UNC13C: variants seen among roughly 807,000 people sequenced by gnomAD.
UNC13C encodes the protein protein unc-13 homolog C.
UNC13C carries 174 observed loss-of-function variants against 245.4 expected under a neutral mutation model. The ratio of observed to expected loss-of-function variants is 0.71; its 90% CI spans 0.63 to 0.80. The LOEUF (loss-of-function observed/expected upper bound fraction) is 0.80, where lower values mean the gene tolerates loss of function less well. Ranked by LOEUF, UNC13C falls within the 30% of genes least tolerant of loss-of-function variation. The pLI is 0.00. For missense variants in UNC13C, 2,829 were observed against 2,602.9 expected (o/e 1.09, Z -1.89); for synonymous variants, 992 against 895.1 (o/e 1.11, Z -1.93).
chr15:53,861,632 CAT>C, the UNC13C span, among the ~76,000 whole-genome samples: 9 of 151,964 alleles, frequency 5.9e-5, no homozygotes, highest in South Asian at 2.1e-4. Context: ...GGTGCAAACA[CAT>C]GTGTGTTAAG....
At chr15:54,058,782 C>G (rs1288502800) in intron 2 of UNC13C, among the ~76,000 whole-genome samples, 3 of 152,146 alleles carry the variant, frequency 2.0e-5, no homozygotes, top group Non-Finnish European at 2.9e-5. Flanking sequence ...TGGGCTTCAT[C>G]CCTGGGATGC....
intron 2 of UNC13C, among the ~76,000 whole-genome samples, chr15:54,063,082 A>T (rs879832981): frequency 2.0e-5 from 3 of 152,224 alleles, no homozygotes; most frequent in Non-Finnish European, 4.4e-5. Flanking sequence ...TTTTCCTTCC[A>T]GGATGAGAGA....
intron 10 of UNC13C, among the ~76,000 whole-genome samples, chr15:54,283,248 T>C (rs1374262787): frequency 6.6e-6 from 1 of 152,192 alleles, no homozygotes. Flanking sequence ...ATCAATTATA[T>C]ACATACCTTC....
At chr15:54,409,195 AT>A (rs1186877709) in intron 18 of UNC13C, among the ~76,000 whole-genome samples, 2 of 151,524 alleles carry the variant, frequency 1.3e-5, no homozygotes, top group African/African-American at 4.8e-5. Flanking sequence ...TTAGGCTTTG[AT>A]TTTTTTTAAA....
At chr15:54,599,941 G>A (rs1011994587) in intron 30 of UNC13C, among the ~76,000 whole-genome samples, 7 of 152,244 alleles carry the variant, frequency 4.6e-5, no homozygotes, top group African/African-American at 1.7e-4. Flanking sequence ...ACTTAAGTTA[G>A]AGGCATTGGA....
At chr15:54,431,286 T>C (rs2040866882) in intron 19 of UNC13C, among the ~76,000 whole-genome samples, 1 of 151,722 alleles carries the variant, frequency 6.6e-6, no homozygotes, top group Non-Finnish European at 1.5e-5. Context: ...GGGGATCATC[T>C]CTGCCAACTT....
chr15:54,415,018 C>A lies in UNC13C; in HGVS notation c.4884C>A (p.Ala1628=), dbSNP rs377386387. The A allele has an allele frequency of 1.2e-6, 2 of 1,611,772 alleles. No individual in the cohort carries two copies. The highest frequency in any genetic ancestry group is 2.2e-5 in the East Asian group (1 of 44,714). Reference sequence around the variant, plus strand: ...AGCTGAACATGGGAAAAATAAGTGCCGAAATTATGTGGACTCTTTTTGCTC... The same window carrying A: ...AGCTGAACATGGGAAAAATAAGTGCAGAAATTATGTGGACTCTTTTTGCTC... ...PQELNMGKIS[A]EIMWTLFALD... is the part of the protein sequence containing the mutation. Residue 1628 remains alanine (A), a synonymous_variant, in exon 19 of 33, where the codon GCC becomes GCA. Transcript: ENST00000260323.
At chr15:54,589,133 G>A (rs1394194659) in intron 30 of UNC13C, among the ~76,000 whole-genome samples, 1 of 151,878 alleles carries the variant, frequency 6.6e-6, no homozygotes, top group Non-Finnish European at 1.5e-5. Context: ...TCACCGCAAT[G>A]ACACCAACAT....
chr15:53,914,539 GT>G, the UNC13C span: 1 of 152,322 alleles, frequency 6.6e-6, no homozygotes, highest in African/African-American at 2.4e-5. Context: ...CAGAGAAAGA[GT>G]TAAGCTGTTG....
intron 17 of UNC13C, among the ~76,000 whole-genome samples, chr15:54,364,053 G>C (rs549046278): frequency 1.1e-4 from 17 of 152,282 alleles, no homozygotes; most frequent in African/African-American, 4.1e-4. Context: ...TAGTGATTTA[G>C]TGCTGATTGG....
At chr15:54,612,707 T>C (rs1006778240) in intron 30 of UNC13C, among the ~76,000 whole-genome samples, 1 of 152,020 alleles carries the variant, frequency 6.6e-6, no homozygotes, top group Admixed American at 6.6e-5. Flanking sequence ...ACATGTGTTA[T>C]TGTTGCAAAC....
intron 2 of UNC13C, among the ~76,000 whole-genome samples, chr15:54,103,941 C>T (rs752311577): frequency 4.0e-4 from 59 of 147,848 alleles, no homozygotes; most frequent in Non-Finnish European, 6.6e-4. Flanking sequence ...GACAGGGTTT[C>T]ACCGTGTTGG....
chr15:54,280,893 G>A (rs111884133), intron 10 of UNC13C, among the ~76,000 whole-genome samples: 8,450 of 151,632 alleles, frequency 0.056, 518 homozygotes, highest in East Asian at 0.22. Flanking sequence ...TGCCTCCCAG[G>A]CTCAAGCGAT....
At chr15:54,204,571 T>C (rs1221708214) in intron 4 of UNC13C, among the ~76,000 whole-genome samples, 2 of 152,060 alleles carry the variant, frequency 1.3e-5, no homozygotes, top group African/African-American at 2.4e-5. Context: ...TTAATGTGAT[T>C]ACAATTAAAA....
At chr15:54,153,114 CA>C (rs1478318918) in intron 4 of UNC13C, among the ~76,000 whole-genome samples, 2 of 152,010 alleles carry the variant, frequency 1.3e-5, no homozygotes, top group Non-Finnish European at 2.9e-5. Flanking sequence ...TTGCTTAATC[CA>C]TATACTTTCT....
chr15:54,196,514 G>C (rs2034359081), intron 4 of UNC13C, among the ~76,000 whole-genome samples: 1 of 152,104 alleles, frequency 6.6e-6, no homozygotes, highest in African/African-American at 2.4e-5. Flanking sequence ...ACCCAAATCA[G>C]ATAAGGACAG....
intron 29 of UNC13C, among the ~76,000 whole-genome samples, chr15:54,560,001 A>G (rs1273813501): frequency 6.6e-6 from 1 of 152,032 alleles, no homozygotes; most frequent in Non-Finnish European, 1.5e-5. Flanking sequence ...TATGATGTGT[A>G]AAAGAGGACT....
chr15:54,179,825 G>T (rs1320675647), intron 4 of UNC13C, among the ~76,000 whole-genome samples: 1 of 151,896 alleles, frequency 6.6e-6, no homozygotes, highest in Non-Finnish European at 1.5e-5. Context: ...AATAAGAAAT[G>T]ATCACAACAA....
chr15:53,969,223 A>C, the UNC13C span, among the ~76,000 whole-genome samples: 1 of 152,176 alleles, frequency 6.6e-6, no homozygotes, highest in East Asian at 1.9e-4. Context: ...ATATGTCTAA[A>C]AGAGACAAGA....
Sources: gnomAD v4.1 joint callset for allele counts (sites outside exome capture counted in the v4.1 genomes callset) on GRCh38, gnomAD v4.1.1 for gene constraint, MANE v1.5 for transcripts, NCBI Gene and HGNC (gene_info 2026-07-23, HGNC 2026-07-21) for gene names.